The following UNC13B variants were observed in gnomAD, a reference collection of about 807,000 sequenced individuals.
UNC13B encodes the protein protein unc-13 homolog B.
A neutral mutation model predicts 211.0 loss-of-function variants in UNC13B; 144 were observed. The observed-to-expected ratio is 0.68, with a 90% CI of 0.60 to 0.78. The LOEUF is 0.78. Ranked by LOEUF, UNC13B falls within the 30% of genes least tolerant of loss-of-function variation. The pLI is 0.00. For synonymous variants in UNC13B, 709 were observed against 725.8 expected (o/e 0.98, Z 0.37); for missense variants, 1,777 against 2,002.0 (o/e 0.89, Z 2.14).
At chr9:35,402,589 T>A (rs1345665136) in intron 37 of UNC13B, among the ~76,000 whole-genome samples, 1 of 152,042 alleles carries the variant, frequency 6.6e-6, no homozygotes, top group African/African-American at 2.4e-5. Flanking sequence ...GCCAGGTGTT[T>A]TCTTAAAATA....
intron 11 of UNC13B, among the ~76,000 whole-genome samples, chr9:35,343,199 T>G (rs1177316823): frequency 2.0e-5 from 3 of 152,216 alleles, no homozygotes; most frequent in African/African-American, 7.2e-5. Flanking sequence ...ATGAAATCAG[T>G]ATAATCAGAA....
rs1223653547 is a variant in UNC13B, at chr9:35,389,975, T to C, written c.11222+2T>C. 2 of 1,613,918 alleles carry C rather than the reference T, an allele frequency of 1.2e-6. No individual in the cohort carries two copies. The highest frequency in any genetic ancestry group is 2.2e-5 in the East Asian group (1 of 44,872). ...TTCCTACACACCTGTTCTGAACCAG[T>C]GAGTATCACCCTCTTTGGCCCTGTC... is the stretch of plus-strand genomic sequence containing the variant. On this transcript the variant is annotated splice_donor_variant, in intron 25 of 39. Transcript: ENST00000635942. LOFTEE classifies it high-confidence loss of function.
chr9:35,301,562 T>C lies in UNC13B; in HGVS notation c.2158T>C (p.Phe720Leu), dbSNP rs1451062036. Residue 720 changes from phenylalanine (F) to leucine (L), a missense_variant, in exon 9 of 40, where the codon TTC becomes CTC. Coordinates refer to ENST00000635942, the MANE Select transcript of UNC13B (RefSeq NM_001371189.2). ...NGSDEETTGWFQMPTSENLLS... is the reference protein window; with the variant it reads ...NGSDEETTGWLQMPTSENLLS... ...GAGTGATGAAGAAACTACGGGCTGG[T>C]TCCAGATGCCCACAAGTGAGAATTT... The C allele has an allele frequency of 5.0e-6, 2 of 398,736 alleles. No individual in the cohort carries two copies. The highest frequency in any genetic ancestry group is 8.9e-6 in the Non-Finnish European group (2 of 225,948). The allele number at this position is 398,736 out of a possible 1,614,324, so 24.7% of individuals were successfully genotyped here. A position where few individuals can be genotyped will look rare whatever the true frequency, so the allele number is the denominator to read the frequency against.
At chr9:35,282,871 G>A (rs191167878) in intron 7 of UNC13B, among the ~76,000 whole-genome samples, 6 of 152,020 alleles carry the variant, frequency 3.9e-5, no homozygotes, top group East Asian at 1.9e-4. Flanking sequence ...TTACATTCCC[G>A]ATTTTGCTCA....
intron 31 of UNC13B, 75 bp from the exon 32 acceptor site, chr9:35,398,479 G>A (rs145085672): frequency 6.8e-7 from 1 of 1,474,858 alleles, no homozygotes; most frequent in East Asian, 2.3e-5. Flanking sequence ...GCCCTGCAAG[G>A]AAGTAGTAGG....
intron 11 of UNC13B, chr9:35,364,580 AC>A (rs1298298168): frequency 4.8e-5 from 73 of 1,535,338 alleles, no homozygotes; most frequent in Non-Finnish European, 6.4e-5. Flanking sequence ...TGTGCCTATG[AC>A]CCTTTGGGTC....
intron 7 of UNC13B, among the ~76,000 whole-genome samples, chr9:35,262,315 TTTTC>T (rs1827327367): frequency 6.6e-6 from 1 of 151,952 alleles, no homozygotes; most frequent in South Asian, 2.1e-4. Flanking sequence ...CTTTTCTCTT[TTTTC>T]TTTCTTTCCT....
Position 35,310,549 on chromosome 9 carries a change from G to T in UNC13B, c.9091G>T (p.Glu3031Ter). Residue 3031 changes from glutamate to a stop codon, truncating the protein, a stop_gained, in exon 10 of 40, where the codon GAA (glutamate) becomes TAA (stop). Transcript: ENST00000635942. LOFTEE classifies it high-confidence loss of function. ...SQLSELDQYH[E>*]QDDDHRETDS... ...GCTAAGTGAACTAGACCAGTATCAC[G>T]AACAAGATGACGACCATCGGGAGAC... 1.2e-6 allele frequency: 2 copies of T among 1,614,062 alleles called. No homozygotes were observed. Among genetic ancestry groups the T allele is most frequent in the Non-Finnish European group, 1.7e-6 (2 of 1,180,018 alleles).
chr9:35,283,411 T>C (rs1828618457), intron 7 of UNC13B, among the ~76,000 whole-genome samples: 1 of 152,196 alleles, frequency 6.6e-6, no homozygotes. Context: ...TGTATAAAAA[T>C]ATTTTACCTA....
intron 1 of UNC13B, among the ~76,000 whole-genome samples, chr9:35,165,407 T>C (rs1238885312): frequency 6.7e-6 from 1 of 149,504 alleles, no homozygotes; most frequent in Admixed American, 6.7e-5. Context: ...GTGATTGACT[T>C]GAATTTTTTT....
At chr9:35,265,133 T>A (rs1001604284) in intron 7 of UNC13B, among the ~76,000 whole-genome samples, 1 of 152,130 alleles carries the variant, frequency 6.6e-6, no homozygotes, top group Admixed American at 6.5e-5. Context: ...AGACATGAAT[T>A]ATGGGGGGCT....
chr9:35,269,024 T>A (rs912777329), intron 7 of UNC13B, among the ~76,000 whole-genome samples: 2 of 152,206 alleles, frequency 1.3e-5, no homozygotes, highest in Non-Finnish European at 2.9e-5. Context: ...CAAGCAATTC[T>A]CTGCTAACAT....
chr9:35,182,205 C>A (rs960811091), intron 1 of UNC13B, among the ~76,000 whole-genome samples: 3 of 152,126 alleles, frequency 2.0e-5, no homozygotes, highest in Non-Finnish European at 4.4e-5. Context: ...AATTATAAAA[C>A]CATCAGTTTT....
chr9:35,252,684 A>C (rs1252007092), intron 6 of UNC13B, among the ~76,000 whole-genome samples: 1 of 151,766 alleles, frequency 6.6e-6, no homozygotes, highest in South Asian at 2.1e-4. Context: ...CAATCCCAGC[A>C]CTTTGGGAGG....
intron 1 of UNC13B, among the ~76,000 whole-genome samples, chr9:35,191,176 T>A (rs751854665): frequency 6.6e-6 from 1 of 152,080 alleles, no homozygotes; most frequent in Non-Finnish European, 1.5e-5. Flanking sequence ...GTCAGGCTGG[T>A]CTCAAACTCC....
At chr9:35,341,462 G>A (rs140928853) in intron 11 of UNC13B, among the ~76,000 whole-genome samples, 47 of 152,338 alleles carry the variant, frequency 3.1e-4, no homozygotes, top group African/African-American at 1.1e-3. Context: ...CTTAGAGCTT[G>A]TCTCAGTAGA....
intron 1 of UNC13B, among the ~76,000 whole-genome samples, chr9:35,186,107 A>G (rs1822346663): frequency 6.6e-6 from 1 of 152,090 alleles, no homozygotes. Flanking sequence ...TTTAGACACA[A>G]CTGACCAGCA....
At chr9:35,350,178 A>G (rs1832623986) in intron 11 of UNC13B, among the ~76,000 whole-genome samples, 1 of 152,162 alleles carries the variant, frequency 6.6e-6, no homozygotes, top group Admixed American at 6.5e-5. Context: ...CATTCTCAGT[A>G]AAAAGGGAAT....
At chr9:35,277,920 G>A (rs1456916018) in intron 7 of UNC13B, among the ~76,000 whole-genome samples, 1 of 152,022 alleles carries the variant, frequency 6.6e-6, no homozygotes, top group Non-Finnish European at 1.5e-5. Flanking sequence ...TCCCGAGGTG[G>A]CAAAGGAATA....
Sources: allele counts gnomAD v4.1 joint callset (sites outside exome capture counted in the v4.1 genomes callset), GRCh38; gene constraint gnomAD v4.1.1; transcripts MANE v1.5; gene names NCBI Gene and HGNC (gene_info 2026-07-23, HGNC 2026-07-21).